YY1AP1: variants seen among roughly 807,000 people sequenced by gnomAD.
YY1AP1 encodes the protein YY1-associated protein 1.
In YY1AP1, 43 loss-of-function variants were observed where a neutral mutation model predicts 39.9. The observed-to-expected ratio is 1.08, with a 90% CI of 0.84 to 1.39. The LOEUF (loss-of-function observed/expected upper bound fraction) is 1.39. Among genes scored for constraint, YY1AP1 ranks in the 40% most tolerant of loss-of-function variants. The pLI is 0.00. For synonymous variants in YY1AP1, 292 were observed against 331.3 expected, an observed-to-expected ratio of 0.88 and a Z score of 1.29; for missense variants, 813 against 900.7, an observed-to-expected ratio of 0.90 and a Z score of 1.25.
At position 155,675,152 on chromosome 1, in the gene YY1AP1, G is replaced by A. The variant is rs1650455089; in HGVS notation, c.325-56C>T. ...ATGTTATGACACTGCCATTTCAGGA[G>A]CCCAGAGATATTTTTTTTTCCCCCT... On this transcript the variant is annotated intron_variant, in intron 5 of 10. Coordinates refer to ENST00000355499, the MANE Select transcript of YY1AP1 (RefSeq NM_139119.3). 9.2e-6 allele frequency: 14 copies of A among 1,526,144 alleles called. No homozygotes were observed. In the South Asian group the frequency reaches 1.5e-4, roughly 16 times the overall value. The allele number at this position is 1,526,144 out of a possible 1,614,324, so 94.5% of individuals were successfully genotyped here.
At chr1:155,665,348 C>T (rs1648813304) in intron 9 of YY1AP1, among the ~76,000 whole-genome samples, 1 of 151,918 alleles carries the variant, frequency 6.6e-6, no homozygotes, top group Non-Finnish European at 1.5e-5. Context: ...GCCTGTAATC[C>T]CAGCACTTTG....
At chr1:155,684,277 A>C (rs865809921) in intron 2 of YY1AP1, among the ~76,000 whole-genome samples, 21 of 152,264 alleles carry the variant, frequency 1.4e-4, no homozygotes, top group Middle Eastern at 3.4e-3. Flanking sequence ...AAAAAACCAT[A>C]GCGAGACCTA....
At chr1:155,682,570 A>G (rs1651676654) in intron 2 of YY1AP1, among the ~76,000 whole-genome samples, 1 of 151,896 alleles carries the variant, frequency 6.6e-6, no homozygotes, top group South Asian at 2.1e-4. Flanking sequence ...CATGTTGGCC[A>G]GGTTGGTCTC....
At position 155,675,171 on chromosome 1, in the gene YY1AP1, T is replaced by C. The variant is rs375167832; in HGVS notation, c.325-75A>G. 251 of 1,409,660 alleles carry C rather than the reference T, an allele frequency of 1.8e-4. No homozygotes were observed. In the East Asian group the frequency reaches 3.5e-3, roughly 19 times the overall value. The allele number at this position is 1,409,660 out of a possible 1,614,324, so 87.3% of individuals were successfully genotyped here. A position where few individuals can be genotyped will look rare whatever the true frequency, so the allele number is the denominator to read the frequency against. On this transcript the variant is annotated intron_variant, in intron 5 of 10. Transcript: ENST00000355499. ...TCAGGAGCCCAGAGATATTTTTTTT[T>C]CCCCCTGGAGACAGGGTCTTGCTCT...
At chr1:155,685,268 T>G (rs1358159391) in intron 2 of YY1AP1, among the ~76,000 whole-genome samples, 1 of 152,224 alleles carries the variant, frequency 6.6e-6, no homozygotes, top group African/African-American at 2.4e-5. Flanking sequence ...TAGGAATATG[T>G]TTCCCTCTTC....
chr1:155,662,949 G>A (rs961857756), intron 9 of YY1AP1, among the ~76,000 whole-genome samples: 2 of 152,148 alleles, frequency 1.3e-5, no homozygotes, highest in Non-Finnish European at 2.9e-5. Flanking sequence ...AGGTTGCAGT[G>A]AGCCAAGACT....
In YY1AP1 at chr1:155,679,432, G is replaced by T. The variant is rs200526712; in HGVS notation, c.102C>A (p.Asn34Lys). 17 of 1,614,126 alleles carry T rather than the reference G, an allele frequency of 1.1e-5. No individual in the cohort carries two copies. Among genetic ancestry groups the T allele is most frequent in the Non-Finnish European group, 3.4e-6 (4 of 1,180,024 alleles). ...ACCGTAGAGCTTGAGGGGTGTTAAAGTTAGCTTGAGGCTCAGCCACACGCT... is the reference window on the plus strand; with the variant it reads ...ACCGTAGAGCTTGAGGGGTGTTAAATTTAGCTTGAGGCTCAGCCACACGCT... ...EEERVAEPQANFNTPQALRFE... is the reference protein window; with the variant it reads ...EEERVAEPQAKFNTPQALRFE... The change falls in exon 4 of 11, where the codon AAC becomes AAA. Residue 34 changes from asparagine (N) to lysine (K), a missense_variant. Physicochemically the swap from Asn to Lys is moderately conservative, Grantham distance 94 (BLOSUM62 0). This residue lies in a region of YY1AP1 where 196 missense variants were observed against 189.7 expected (regional missense o/e 1.03). Coordinates refer to ENST00000355499, the MANE Select transcript of YY1AP1 (RefSeq NM_139119.3).
chr1:155,660,096 T>G lies in YY1AP1; in HGVS notation c.1814A>C (p.Asn605Thr), dbSNP rs1403911068. The G allele has an allele frequency of 6.2e-7, 1 of 1,614,100 alleles. No homozygotes were observed. Among genetic ancestry groups the G allele is most frequent in the Non-Finnish European group, 8.5e-7 (1 of 1,180,022 alleles). ...VNPTSFPCPL[N>T]QPLVASSVSP... ...GACAGAGGAGGCCACAAGGGGCTGG[T>G]TCAATGGACAGGGGAAGGAAGTAGG... The change falls in exon 11 of 11, where the codon AAC becomes ACC. Residue 605 changes from asparagine (N) to threonine (T), a missense_variant. By Grantham distance (65) the Asn-to-Thr change is moderately conservative. Around this residue, in one of 3 missense-constraint regions of YY1AP1, gnomAD observed 586 missense variants for 647.4 expected, o/e 0.91. Transcript: ENST00000355499.
intron 9 of YY1AP1, among the ~76,000 whole-genome samples, chr1:155,663,153 A>G (rs1344263838): frequency 1.3e-5 from 2 of 151,898 alleles, no homozygotes; most frequent in African/African-American, 2.4e-5. Flanking sequence ...CAGGCAGATC[A>G]CAAGGTCAGG....
At chr1:155,681,173 G>C (rs967348975) in intron 2 of YY1AP1, among the ~76,000 whole-genome samples, 1 of 151,892 alleles carries the variant, frequency 6.6e-6, no homozygotes, top group Non-Finnish European at 1.5e-5. Flanking sequence ...TGGGATTACA[G>C]GCATGCACCA....
At position 155,660,267 on chromosome 1, in the gene YY1AP1, A is replaced by T. The variant is rs150387705; in HGVS notation, c.1643T>A (p.Ile548Asn). Residue 548 changes from isoleucine (I) to asparagine (N), a missense_variant, in exon 11 of 11, where the codon ATC becomes AAC. Ile to Asn is a moderately radical substitution (Grantham distance 149). Transcript: ENST00000355499. ...AFRCIKPAPVIHPASVIFTVP... is the reference protein window; with the variant it reads ...AFRCIKPAPVNHPASVIFTVP... ...AGTGAAGATAACAGATGCAGGGTGG[A>T]TAACAGGGGCAGGTTTGATACAGCG... is the stretch of plus-strand genomic sequence containing the variant. 1.1e-5 allele frequency: 18 copies of T among 1,614,204 alleles called. No homozygotes were observed. The highest frequency in any genetic ancestry group is 1.6e-4 in the Middle Eastern group (1 of 6,062).
intron 8 of YY1AP1, among the ~76,000 whole-genome samples, chr1:155,669,592 T>C (rs1649547154): frequency 6.6e-6 from 1 of 152,092 alleles, no homozygotes; most frequent in Non-Finnish European, 1.5e-5. Flanking sequence ...ATAAAACAAA[T>C]ATAAAATGAA....
chr1:155,681,056 G>A (rs1271170884), intron 2 of YY1AP1, among the ~76,000 whole-genome samples: 1 of 150,168 alleles, frequency 6.7e-6, no homozygotes, highest in East Asian at 1.9e-4. Context: ...TTGAGACGGA[G>A]TTTCGCTCTT....
At chr1:155,662,503 CAA>C (rs1226156774) in intron 9 of YY1AP1, among the ~76,000 whole-genome samples, 12 of 124,836 alleles carry the variant, frequency 9.6e-5, no homozygotes, top group Admixed American at 1.6e-4. Flanking sequence ...GACTCCATCT[CAA>C]AAAAAAAAAA....
At chr1:155,669,912 A>T (rs1438215450) in intron 8 of YY1AP1, among the ~76,000 whole-genome samples, 3 of 152,064 alleles carry the variant, frequency 2.0e-5, no homozygotes, top group Non-Finnish European at 4.4e-5. Context: ...GGTCCCAGCT[A>T]CTCCATGGAG....
intron 6 of YY1AP1, 27 bp from the exon 7 acceptor site, chr1:155,672,758 C>G (rs630251): frequency 6.2e-7 from 1 of 1,614,030 alleles, no homozygotes; most frequent in African/African-American, 1.3e-5. Context: ...CAAGGAAGAT[C>G]TAAGACAATT....
intron 2 of YY1AP1, among the ~76,000 whole-genome samples, chr1:155,681,030 T>G (rs529754790): frequency 6.6e-6 from 1 of 150,438 alleles, no homozygotes; most frequent in Admixed American, 6.6e-5. Flanking sequence ...GTGAGCTAGA[T>G]GATTTTTTTT....
At chr1:155,674,449 C>T (rs552766593) in intron 6 of YY1AP1, among the ~76,000 whole-genome samples, 11 of 152,132 alleles carry the variant, frequency 7.2e-5, no homozygotes, top group Admixed American at 4.6e-4. Flanking sequence ...TGCCCAGCCT[C>T]AACATCTATG....
intron 6 of YY1AP1, among the ~76,000 whole-genome samples, chr1:155,673,724 T>C (rs1277806169): frequency 6.6e-6 from 1 of 151,862 alleles, no homozygotes; most frequent in African/African-American, 2.4e-5. Flanking sequence ...TTTTATTTTT[T>C]ATTTTTTTGG....
Sources: allele counts gnomAD v4.1 joint callset (sites outside exome capture counted in the v4.1 genomes callset), GRCh38; gene constraint gnomAD v4.1.1; regional missense constraint gnomAD v4.1.1; transcripts MANE v1.5; gene names NCBI Gene and HGNC (gene_info 2026-07-23, HGNC 2026-07-21).